Variants in BRD8 observed in about 807,000 individuals in gnomAD.
The protein encoded by BRD8 is bromodomain containing 8, also known as bromodomain-containing protein 8.
A neutral mutation model predicts 143.1 loss-of-function variants in BRD8; 67 were observed. The ratio of observed to expected loss-of-function variants is 0.47; its 90% CI spans 0.38 to 0.57. BRD8 has a LOEUF of 0.57. BRD8 is among the 20% of genes least tolerant of loss of function. BRD8 has a pLI of 0.00. For missense variants in BRD8, 1,103 were observed against 1,503.0 expected, an observed-to-expected ratio of 0.73 and a Z score of 4.40; for synonymous variants, 505 against 517.1, an observed-to-expected ratio of 0.98 and a Z score of 0.32.
chr5:138,161,740 A>T, intron 17 of BRD8, 56 bp downstream of exon 17: 3 of 1,563,796 alleles, frequency 1.9e-6, no homozygotes, highest in Non-Finnish European at 2.6e-6. Flanking sequence ...AACTTCACTA[A>T]GACTGGACAA....
At chr5:138,177,530 A>T (rs773857784) in intron 2 of BRD8, 41 bp downstream of exon 2, 1 of 1,239,094 alleles carries the variant, frequency 8.1e-7, no homozygotes, top group East Asian at 2.3e-5. Flanking sequence ...GTATCTAACA[A>T]TTTCTAAGAC....
In BRD8 at chr5:138,171,312, A is replaced by T. The variant is rs772939058; in HGVS notation, c.236+49T>A. 2.7e-6 allele frequency: 4 copies of T among 1,500,306 alleles called. No homozygotes were observed. The South Asian group carries it at 4.6e-5, about 17-fold the overall frequency. The allele number at this position is 1,500,306 out of a possible 1,614,324, so 92.9% of individuals were successfully genotyped here. A position where few individuals can be genotyped will look rare whatever the true frequency, so the allele number is the denominator to read the frequency against. Reference sequence around the variant, plus strand: ...AGTATAAACCAGAATTCCTCAGTAAATACTCTCCACTAAAGAAATATGGCT... The same window carrying T: ...AGTATAAACCAGAATTCCTCAGTAATTACTCTCCACTAAAGAAATATGGCT... On this transcript the variant is annotated intron_variant, in intron 4 of 26. Coordinates refer to ENST00000254900, the MANE Select transcript of BRD8 (RefSeq NM_139199.2).
At chr5:138,148,681 T>C (rs1328537065) in intron 23 of BRD8, among the ~76,000 whole-genome samples, 1 of 151,870 alleles carries the variant, frequency 6.6e-6, no homozygotes, top group Non-Finnish European at 1.5e-5. Flanking sequence ...ATTTTTTCTT[T>C]AAAAAAAAAT....
chr5:138,145,315 A>C, intron 24 of BRD8, 70 bp from the exon 25 acceptor site: 61 of 1,358,212 alleles, frequency 4.5e-5, no homozygotes, highest in Non-Finnish European at 5.4e-5. Flanking sequence ...AGAGTAGCTC[A>C]GTTCTTAGTA....
intron 18 of BRD8, among the ~76,000 whole-genome samples, 162 bp downstream of exon 18, chr5:138,160,729 C>T (rs998222063): frequency 3.7e-4 from 57 of 152,168 alleles, no homozygotes; most frequent in African/African-American, 1.4e-3. Context: ...TTTCACCACA[C>T]CAAAGAAAAT....
At chr5:138,153,356 C>G (rs915155219) in intron 20 of BRD8, among the ~76,000 whole-genome samples, 4 of 152,112 alleles carry the variant, frequency 2.6e-5, no homozygotes, top group African/African-American at 9.7e-5. Flanking sequence ...TGTCCTCTCC[C>G]TTTTACAACT....
rs1753260989 is a variant in BRD8, at chr5:138,164,724, A to G, written c.1721T>C (p.Val574Ala). The change falls in exon 12 of 27, where the codon GTG (valine) becomes GCG (alanine). Residue 574 changes from valine to alanine, a missense_variant. By Grantham distance (64) the Val-to-Ala change is moderately conservative. This residue lies in a region of BRD8 where 139 missense variants were observed against 139.0 expected (regional missense o/e 1.00). Transcript: ENST00000254900. Reference protein sequence around the residue: ...GKGDETPLTNVKTEASPESML... With the variant: ...GKGDETPLTNAKTEASPESML... ...ATCTTTCTTAAGTACCTCTGTCTTCACATTTGTAAGTGGAGTCTCATCGCC... is the reference window on the plus strand; with the variant it reads ...ATCTTTCTTAAGTACCTCTGTCTTCGCATTTGTAAGTGGAGTCTCATCGCC... The G allele has an allele frequency of 2.5e-6, 4 of 1,614,152 alleles. No individual in the cohort carries two copies. The highest frequency in any genetic ancestry group is 3.4e-6 in the Non-Finnish European group (4 of 1,180,022).
intron 25 of BRD8, among the ~76,000 whole-genome samples, chr5:138,141,494 C>T (rs1005605884): frequency 1.3e-5 from 2 of 152,162 alleles, no homozygotes; most frequent in African/African-American, 4.8e-5. Context: ...CACTGAAAGG[C>T]ACACAGCCTG....
Position 138,152,682 on chromosome 5 carries a change from G to C in BRD8, c.2656C>G (p.Leu886Val), listed in dbSNP as rs749485267. Residue 886 changes from leucine (L) to valine (V), a missense_variant, in exon 21 of 27, where the codon CTC becomes GTC. By Grantham distance (32) the Leu-to-Val change is conservative. This residue lies in a region of BRD8 where 369 missense variants were observed against 445.5 expected (regional missense o/e 0.83). Transcript: ENST00000254900. ...DSELSNDCRSLFSSWDSSLDL... is the reference protein window; with the variant it reads ...DSELSNDCRSVFSSWDSSLDL... Reference sequence around the variant, plus strand: ...AGACTGGAGTCCCATGAGCTGAAGAGGGACCTGCAGTCATTGCTCAACTCA... The same window carrying C: ...AGACTGGAGTCCCATGAGCTGAAGACGGACCTGCAGTCATTGCTCAACTCA... The C allele has an allele frequency of 3.7e-6, 6 of 1,614,070 alleles. No individual in the cohort carries two copies. The East Asian group carries it at 1.1e-4, about 30-fold the overall frequency.
At chr5:138,151,102 A>G in intron 21 of BRD8, 94 bp from the exon 22 acceptor site, 1 of 1,452,850 alleles carries the variant, frequency 6.9e-7, no homozygotes. Context: ...TGTCACAGTG[A>G]CTAAGTCTGA....
chr5:138,176,850 T>A (rs956745783), intron 2 of BRD8, among the ~76,000 whole-genome samples: 1 of 150,314 alleles, frequency 6.7e-6, no homozygotes. Context: ...GTAATCCCAG[T>A]AGGTTGGGCG....
chr5:138,154,980 C>T (rs542857895), intron 20 of BRD8, among the ~76,000 whole-genome samples: 1 of 152,086 alleles, frequency 6.6e-6, no homozygotes, highest in East Asian at 2.0e-4. Context: ...CAGGCGCCCA[C>T]CACCATGCCT....
At chr5:138,157,368 A>G (rs1752671935) in intron 20 of BRD8, 1 of 1,491,568 alleles carries the variant, frequency 6.7e-7, no homozygotes, top group Non-Finnish European at 9.2e-7. Flanking sequence ...GGGAGAGGGA[A>G]GAGAATCAGC....
At chr5:138,168,480 C>A in intron 8 of BRD8, 1 of 1,605,282 alleles carries the variant, frequency 6.2e-7, no homozygotes. Flanking sequence ...CAGTCTGGGG[C>A]TAGTAGGCAG....
chr5:138,169,095 T>C, intron 8 of BRD8, 127 bp downstream of exon 8: 4 of 1,026,942 alleles, frequency 3.9e-6, no homozygotes, highest in Non-Finnish European at 5.6e-6. Context: ...ACATGGTAAA[T>C]TAAGTCTTTA....
At chr5:138,177,837 A>G (rs192818059) in intron 1 of BRD8, among the ~76,000 whole-genome samples, 170 bp from the exon 2 acceptor site, 25 of 152,342 alleles carry the variant, frequency 1.6e-4, no homozygotes, top group African/African-American at 5.5e-4. Context: ...TCCAAGTGAA[A>G]TATCACCAGT....
chr5:138,142,711 C>T (rs920665282), intron 25 of BRD8, among the ~76,000 whole-genome samples: 2 of 146,206 alleles, frequency 1.4e-5, no homozygotes, highest in Non-Finnish European at 3.0e-5. Flanking sequence ...TGCAGTGAGC[C>T]GAGATCTCAT....
At chr5:138,142,780 A>T (rs1751964371) in intron 25 of BRD8, among the ~76,000 whole-genome samples, 1 of 140,578 alleles carries the variant, frequency 7.1e-6, no homozygotes, top group Non-Finnish European at 1.6e-5. Context: ...AAAAAAAAAA[A>T]TCCAAAATAG....
At position 138,174,156 on chromosome 5, in the gene BRD8, T is replaced by TTGTGTGTGTGTG. The variant is rs56254005; in HGVS notation, c.117-2034_117-2023dup. On this transcript the variant is annotated intron_variant, in intron 2 of 26. Transcript: ENST00000254900. ...TTTTTTATGGCTCAACAGTATTCCA[T>TTGTGTGTGTGTG]TGTGTGTGTGTGTGTGTGTGTGTGT... Among the ~76,000 whole-genome samples the TTGTGTGTGTGTG allele has an allele frequency of 1.9e-3, 281 of 149,602 alleles. 1 individual carries two copies. Among genetic ancestry groups the TTGTGTGTGTGTG allele is most frequent in the Middle Eastern group, 6.8e-3 (2 of 294 alleles).
Sources: gnomAD v4.1 joint callset for allele counts (sites outside exome capture counted in the v4.1 genomes callset) on GRCh38, gnomAD v4.1.1 for gene constraint, gnomAD v4.1.1 regional missense constraint, MANE v1.5 for transcripts, NCBI Gene and HGNC (gene_info 2026-07-23, HGNC 2026-07-21) for gene names.